The following TXNDC9 variants were observed in gnomAD, a reference collection of about 807,000 sequenced individuals.
TXNDC9 encodes thioredoxin domain-containing protein 9.
Under a neutral mutation model 23.0 loss-of-function variants are expected in TXNDC9, and 7 were observed. The ratio of observed to expected loss-of-function variants is 0.30; its 90% CI spans 0.17 to 0.57. The LOEUF (loss-of-function observed/expected upper bound fraction) is 0.57, where lower values mean the gene tolerates loss of function less well. Among genes scored for constraint, TXNDC9 ranks in the 20% least tolerant of loss-of-function variants. The pLI is 0.90. For synonymous variants in TXNDC9, 72 were observed against 90.6 expected (o/e 0.79, Z 1.17); for missense variants, 198 against 252.6 (o/e 0.78, Z 1.47).
intron 4 of TXNDC9, among the ~76,000 whole-genome samples, chr2:99,320,915 T>C (rs796960659): frequency 3.9e-5 from 6 of 152,240 alleles, no homozygotes; most frequent in African/African-American, 1.4e-4. Context: ...ACTAGTTTTT[T>C]GTAGAGACGA....
At position 99,319,748 on chromosome 2, in the gene TXNDC9, G is replaced by A. The variant is rs2094197165; in HGVS notation, c.615C>T (p.Asn205=). 1 of 1,596,536 alleles carries A rather than the reference G, an allele frequency of 6.3e-7. No homozygotes were observed. Among genetic ancestry groups the A allele is most frequent in the Non-Finnish European group, 8.5e-7 (1 of 1,173,858 alleles). The change falls in exon 5 of 5, where the codon AAC becomes AAT. Residue 205 remains asparagine, a synonymous_variant. Coordinates refer to ENST00000264255, the MANE Select transcript of TXNDC9 (RefSeq NM_005783.4). ...TAGTTTTCTTTTCCAGCTTTGTGAA[G>A]TTTGTTCCAAATTTCTTTTGGTTCT... The part of the protein sequence containing the change: ...PFQNQKKFGT[N]FTKLEKKTIR...
the TXNDC9 span, among the ~76,000 whole-genome samples, chr2:99,313,162 C>CA: frequency 5.3e-5 from 8 of 151,380 alleles, no homozygotes; most frequent in African/African-American, 1.5e-4. Flanking sequence ...AACTCTGTCT[C>CA]AAAAAAACAA....
chr2:99,334,781 C>T (rs757839408), intron 1 of TXNDC9, among the ~76,000 whole-genome samples: 1 of 152,142 alleles, frequency 6.6e-6, no homozygotes, highest in Non-Finnish European at 1.5e-5. Flanking sequence ...GGCGCATCTC[C>T]GCTCACTGCT....
chr2:99,331,495 G>A (rs1345734239), intron 2 of TXNDC9, among the ~76,000 whole-genome samples: 2 of 145,030 alleles, frequency 1.4e-5, no homozygotes, highest in African/African-American at 5.1e-5. Flanking sequence ...GGGCAACAGA[G>A]TGAGACTCCC....
chr2:99,324,955 A>C (rs920527910), intron 3 of TXNDC9, among the ~76,000 whole-genome samples: 5 of 152,248 alleles, frequency 3.3e-5, no homozygotes, highest in Admixed American at 6.5e-5. Flanking sequence ...CATGTTGGCC[A>C]GGATGGCCTT....
intron 1 of TXNDC9, among the ~76,000 whole-genome samples, chr2:99,335,027 C>G (rs1013078898): frequency 6.6e-6 from 1 of 152,124 alleles, no homozygotes; most frequent in Non-Finnish European, 1.5e-5. Context: ...AATTTTACTT[C>G]TTTTAAAAGA....
chr2:99,331,324 C>T (rs527240672), intron 2 of TXNDC9, among the ~76,000 whole-genome samples: 2 of 151,844 alleles, frequency 1.3e-5, no homozygotes, highest in Admixed American at 6.6e-5. Flanking sequence ...ACCTGTAATC[C>T]CAGCACTTTG....
Position 99,333,127 on chromosome 2 carries a change from A to C in TXNDC9, c.84T>G (p.His28Gln). The C allele has an allele frequency of 6.2e-7, 1 of 1,614,146 alleles. No homozygotes were observed. The highest frequency in any genetic ancestry group is 1.1e-5 in the South Asian group (1 of 91,076). ...CCAGTTTTTGAATTTCAGAATCCAA[A>C]TGTTCTTCCACCAGTTTGGTAGTCT... Reference protein sequence around the residue: ...LLQTTKLVEEHLDSEIQKLDQ... With the variant: ...LLQTTKLVEEQLDSEIQKLDQ... The change falls in exon 2 of 5, where the codon CAT becomes CAG. Residue 28 changes from histidine to glutamine, a missense_variant. Transcript: ENST00000264255.
chr2:99,321,391 T>C (rs1184647613), intron 4 of TXNDC9: 1 of 152,234 alleles, frequency 6.6e-6, no homozygotes, highest in Non-Finnish European at 1.5e-5. Context: ...GAAATGGAAG[T>C]TGGATTTTAG....
the TXNDC9 span, among the ~76,000 whole-genome samples, chr2:99,312,882 G>A: frequency 6.6e-6 from 1 of 151,864 alleles, no homozygotes; most frequent in Non-Finnish European, 1.5e-5. Flanking sequence ...GCCAACCAAG[G>A]CTGGGCACGG....
At chr2:99,325,732 C>T (rs1001830326) in intron 3 of TXNDC9, among the ~76,000 whole-genome samples, 2 of 151,986 alleles carry the variant, frequency 1.3e-5, no homozygotes, top group South Asian at 2.1e-4. Context: ...CAAGTGAGGC[C>T]GGGTGCCGTG....
At chr2:99,333,365 C>T (rs1002906108) in intron 1 of TXNDC9, 123 bp from the exon 2 acceptor site, 6 of 734,490 alleles carry the variant, frequency 8.2e-6, no homozygotes, top group Admixed American at 6.7e-5. Context: ...CTAACGACAT[C>T]CAAGCACTTG....
chr2:99,318,662 C>T (rs188011832), downstream of TXNDC9, among the ~76,000 whole-genome samples: 101 of 152,270 alleles, frequency 6.6e-4, no homozygotes, highest in African/African-American at 2.3e-3. Context: ...ACTCTACGTA[C>T]GAGTAAAGAG....
intron 2 of TXNDC9, among the ~76,000 whole-genome samples, chr2:99,328,722 T>A (rs1309009814): frequency 6.6e-6 from 1 of 151,682 alleles, no homozygotes; most frequent in African/African-American, 2.4e-5. Flanking sequence ...ATGCCTGTAA[T>A]CCCAGCACCT....
intron 2 of TXNDC9, among the ~76,000 whole-genome samples, chr2:99,332,582 G>A (rs951908471): frequency 6.6e-6 from 1 of 152,130 alleles, no homozygotes; most frequent in Non-Finnish European, 1.5e-5. Context: ...TACAAAGCAT[G>A]CATTCTTTTG....
intron 3 of TXNDC9, among the ~76,000 whole-genome samples, chr2:99,323,677 A>G (rs992405529): frequency 2.0e-5 from 3 of 152,168 alleles, no homozygotes; most frequent in Non-Finnish European, 4.4e-5. Flanking sequence ...TGGGGGTTAC[A>G]GTGAGCTAAG....
chr2:99,317,866 T>C (rs1015907800), downstream of TXNDC9, among the ~76,000 whole-genome samples: 2 of 152,138 alleles, frequency 1.3e-5, no homozygotes, highest in African/African-American at 4.8e-5. Context: ...TCTTTGAGGC[T>C]TGTCTTAAAC....
At chr2:99,328,272 T>C (rs1277037960) in intron 2 of TXNDC9, among the ~76,000 whole-genome samples, 2 of 151,656 alleles carry the variant, frequency 1.3e-5, no homozygotes, top group East Asian at 3.9e-4. Flanking sequence ...ATTTTTTTTT[T>C]TTTTTTTTGG....
chr2:99,307,102 C>T, the TXNDC9 span, among the ~76,000 whole-genome samples: 1 of 122,114 alleles, frequency 8.2e-6, no homozygotes, highest in East Asian at 3.7e-4. Context: ...CTCTCTCTCT[C>T]CTTCTCACTC....
Sources: gnomAD v4.1 joint callset for allele counts (sites outside exome capture counted in the v4.1 genomes callset) on GRCh38, gnomAD v4.1.1 for gene constraint, MANE v1.5 for transcripts, NCBI Gene and HGNC (gene_info 2026-07-23, HGNC 2026-07-21) for gene names.